Variants in BRD7 observed in about 807,000 individuals in gnomAD.
The protein encoded by BRD7 is bromodomain containing 7.
BRD7 carries 15 observed loss-of-function variants against 82.1 expected under a neutral mutation model. That is an observed-to-expected ratio of 0.18 (90% CI 0.12 to 0.28). The LOEUF (loss-of-function observed/expected upper bound fraction) is 0.28. Ranked by LOEUF, BRD7 falls within the 10% of genes least tolerant of loss-of-function variation. BRD7 has a pLI of 1.00. For missense variants in BRD7, 638 were observed against 779.9 expected, an observed-to-expected ratio of 0.82 and a Z score of 2.17; for synonymous variants, 232 against 266.9, an observed-to-expected ratio of 0.87 and a Z score of 1.27.
At chr16:50,356,174 A>G (rs2038723906) in intron 2 of BRD7, among the ~76,000 whole-genome samples, 1 of 152,202 alleles carries the variant, frequency 6.6e-6, no homozygotes, top group Non-Finnish European at 1.5e-5. Context: ...AATGTAGAGA[A>G]ATGGGATTTT....
chr16:50,368,057 T>C, intron 2 of BRD7, 33 bp downstream of exon 2: 2 of 1,605,914 alleles, frequency 1.2e-6, no homozygotes, highest in Non-Finnish European at 1.7e-6. Context: ...GGCAGTGCCG[T>C]CCGCAAAGCC....
intron 5 of BRD7, among the ~76,000 whole-genome samples, chr16:50,346,565 TA>T (rs2038292052): frequency 6.6e-6 from 1 of 151,954 alleles, no homozygotes; most frequent in Admixed American, 6.6e-5. Context: ...ATAGATGCAA[TA>T]AAAAATGATA....
chr16:50,354,985 A>G (rs190377160), intron 2 of BRD7, 63 bp from the exon 3 acceptor site: 94 of 1,559,298 alleles, frequency 6.0e-5, no homozygotes, highest in Non-Finnish European at 7.8e-5. Flanking sequence ...AAATACATAA[A>G]TCATTTTAAG....
chr16:50,342,568 C>T (rs547273226), intron 5 of BRD7, among the ~76,000 whole-genome samples: 2 of 146,434 alleles, frequency 1.4e-5, no homozygotes, highest in African/African-American at 2.5e-5. Flanking sequence ...CTACAGGCAT[C>T]CGCCACCACA....
At chr16:50,326,169 A>G (rs1348496313) in intron 10 of BRD7, 115 bp downstream of exon 10, 1 of 852,928 alleles carries the variant, frequency 1.2e-6, no homozygotes, top group African/African-American at 1.7e-5. Context: ...TTAATGTTGC[A>G]AAAATACCAC....
chr16:50,360,315 C>T (rs1399026522), intron 2 of BRD7, among the ~76,000 whole-genome samples: 1 of 152,208 alleles, frequency 6.6e-6, no homozygotes. Context: ...GTAATAAGTA[C>T]TGTCCTTCAG....
intron 5 of BRD7, among the ~76,000 whole-genome samples, chr16:50,346,583 A>G (rs1438967468): frequency 1.3e-5 from 2 of 152,214 alleles, no homozygotes; most frequent in Non-Finnish European, 2.9e-5. Context: ...GATAAAGGGG[A>G]TATCGCCACT....
At chr16:50,351,688 T>G (rs528697362) in intron 4 of BRD7, among the ~76,000 whole-genome samples, 13 of 152,230 alleles carry the variant, frequency 8.5e-5, no homozygotes, top group Non-Finnish European at 1.6e-4. Flanking sequence ...GTCTTTAGAC[T>G]AAGAAATACT....
chr16:50,356,833 A>G (rs2038755133), intron 2 of BRD7, among the ~76,000 whole-genome samples: 1 of 152,008 alleles, frequency 6.6e-6, no homozygotes, highest in African/African-American at 2.4e-5. Context: ...TATTCTCTGT[A>G]CTCTGCATTC....
chr16:50,342,711 A>G (rs2038119917), intron 5 of BRD7, among the ~76,000 whole-genome samples: 1 of 151,984 alleles, frequency 6.6e-6, no homozygotes, highest in African/African-American at 2.4e-5. Context: ...GTAAGCCACC[A>G]CACCTGGCCA....
chr16:50,359,390 T>A (rs2038857989), intron 2 of BRD7, among the ~76,000 whole-genome samples: 2 of 152,210 alleles, frequency 1.3e-5, no homozygotes, highest in South Asian at 4.1e-4. Context: ...AGGACTATTT[T>A]AAGGATTAAA....
At chr16:50,319,811 C>T in intron 16 of BRD7, 76 bp downstream of exon 16, 2 of 1,529,152 alleles carry the variant, frequency 1.3e-6, no homozygotes, top group Non-Finnish European at 1.8e-6. Flanking sequence ...GTCCTGATAC[C>T]AATCTCGGGC....
chr16:50,359,308 T>C (rs1419161185), intron 2 of BRD7, among the ~76,000 whole-genome samples: 1 of 152,244 alleles, frequency 6.6e-6, no homozygotes, highest in East Asian at 1.9e-4. Flanking sequence ...TATGGTGTCA[T>C]GGATAAACTA....
chr16:50,346,686 G>A (rs2038297611), intron 5 of BRD7, among the ~76,000 whole-genome samples: 1 of 152,046 alleles, frequency 6.6e-6, no homozygotes, highest in South Asian at 2.1e-4. Context: ...ATAAATTCCT[G>A]GATACATACA....
chr16:50,327,029 A>AT, intron 9 of BRD7, among the ~76,000 whole-genome samples: 1 of 152,248 alleles, frequency 6.6e-6, no homozygotes, highest in South Asian at 2.1e-4. Flanking sequence ...TCACATGATC[A>AT]GCCTTCAACG....
In BRD7 at chr16:50,363,660, T is replaced by TGTGTGTGTGCGC. The variant is rs138025982; in HGVS notation, c.258+4429_258+4430insGCGCACACACAC. ...GTGTGTTTGTGTGTGTGTGTGTGTG[T>TGTGTGTGTGCGC]GCGCGCGCGCGCGTGCGCGTGTGCT... On this transcript the variant is annotated intron_variant, in intron 2 of 16. Coordinates refer to ENST00000394688, the MANE Select transcript of BRD7 (RefSeq NM_013263.5). Among the ~76,000 whole-genome samples, 689 of 102,482 alleles carry TGTGTGTGTGCGC rather than the reference T, an allele frequency of 6.7e-3. 18 individuals carry two copies. The highest frequency in any genetic ancestry group is 0.061 in the Admixed American group (635 of 10,392). The allele number at this position is 102,482 out of a possible 152,430, so 67.2% of individuals were successfully genotyped here. A position where few individuals can be genotyped will look rare whatever the true frequency, so the allele number is the denominator to read the frequency against.
At chr16:50,338,256 G>A (rs961265199) in intron 6 of BRD7, among the ~76,000 whole-genome samples, 2 of 152,128 alleles carry the variant, frequency 1.3e-5, no homozygotes. Flanking sequence ...TTTCCTCTGC[G>A]AATGTTGTCA....
At position 50,354,900 on chromosome 16, in the gene BRD7, C is replaced by T. The variant is rs756060695; in HGVS notation, c.281G>A (p.Arg94Gln). 6.2e-6 allele frequency: 10 copies of T among 1,613,802 alleles called. No individual in the cohort carries two copies. The East Asian group carries it at 8.9e-5, about 14-fold the overall frequency. ...TTCTGCCTCATTCTCCACCCGGTCT[C>T]GATCTCGCTTCTTTTTATCCTCCTA... ...RVKEDKKKRDRDRVENEAEKD... is the reference protein window; with the variant it reads ...RVKEDKKKRDQDRVENEAEKD... Residue 94 changes from arginine to glutamine, a missense_variant, in exon 3 of 17, where the codon CGA (arginine) becomes CAA (glutamine). Around this residue, in one of 3 missense-constraint regions of BRD7, gnomAD observed 172 missense variants for 155.3 expected, o/e 1.11. Transcript: ENST00000394688.
intron 6 of BRD7, among the ~76,000 whole-genome samples, chr16:50,336,294 T>G (rs13339322): frequency 0.37 from 56,496 of 152,086 alleles, 12,159 homozygotes; most frequent in Middle Eastern, 0.5. Flanking sequence ...AGTATCTCTT[T>G]AGGATAAACT....
Sources: allele counts gnomAD v4.1 joint callset (sites outside exome capture counted in the v4.1 genomes callset), GRCh38; gene constraint gnomAD v4.1.1; regional missense constraint gnomAD v4.1.1; transcripts MANE v1.5; gene names NCBI Gene and HGNC (gene_info 2026-07-23, HGNC 2026-07-21).